The following TANC1 variants were observed in gnomAD, a reference collection of about 807,000 sequenced individuals.
The protein encoded by TANC1 is protein TANC1.
A neutral mutation model predicts 149.7 loss-of-function variants in TANC1; 77 were observed. The observed-to-expected ratio is 0.51, with a 90% CI of 0.43 to 0.62. The LOEUF is 0.62. Among genes scored for constraint, TANC1 ranks in the 20% least tolerant of loss-of-function variants. TANC1 has a pLI of 0.00. For missense variants in TANC1, 1,985 were observed against 2,321.8 expected (o/e 0.85, Z 2.98); for synonymous variants, 854 against 925.0 (o/e 0.92, Z 1.39).
At position 159,089,877 on chromosome 2, in the gene TANC1, C is replaced by G. The variant is rs957472665; in HGVS notation, c.62-7760C>G. 3.3e-5 allele frequency among the ~76,000 whole-genome samples: 5 copies of G among 152,354 alleles called. 1 individual carries two copies. The South Asian group carries it at 8.3e-4, about 25-fold the overall frequency. On this transcript the variant is annotated intron_variant, in intron 3 of 26. Coordinates refer to ENST00000263635, the MANE Select transcript of TANC1 (RefSeq NM_033394.3). ...AGCTTGCCTCCGAGCAGTGCCTACACACATGTCACTTCGAGCACATGCTTT... is the reference window on the plus strand; with the variant it reads ...AGCTTGCCTCCGAGCAGTGCCTACAGACATGTCACTTCGAGCACATGCTTT...
At chr2:159,184,405 C>T (rs1356572863) in intron 14 of TANC1, among the ~76,000 whole-genome samples, 1 of 152,120 alleles carries the variant, frequency 6.6e-6, no homozygotes, top group Non-Finnish European at 1.5e-5. Flanking sequence ...AGGTGGGATG[C>T]CCTGTGCTCA....
chr2:159,054,005 T>C (rs1335922108), intron 2 of TANC1, among the ~76,000 whole-genome samples: 1 of 152,228 alleles, frequency 6.6e-6, no homozygotes, highest in East Asian at 1.9e-4. Context: ...TCAGGATAGA[T>C]TTGCAGCATG....
chr2:159,220,770 C>T (rs7589564), intron 22 of TANC1, among the ~76,000 whole-genome samples: 15,946 of 151,990 alleles, frequency 0.1, 1,064 homozygotes, highest in East Asian at 0.25. Context: ...TTTAGAGACA[C>T]GGTTTTTCAC....
At chr2:159,116,114 G>T (rs751016095) in intron 4 of TANC1, among the ~76,000 whole-genome samples, 29 of 152,108 alleles carry the variant, frequency 1.9e-4, no homozygotes, top group Admixed American at 6.5e-4. Flanking sequence ...TGAAGGTCAA[G>T]TATGATAAGG....
chr2:158,992,365 A>AG (rs2035717887), intron 1 of TANC1, among the ~76,000 whole-genome samples: 1 of 87,008 alleles, frequency 1.1e-5, no homozygotes. Flanking sequence ...ACCCTGTCTC[A>AG]AAAAAAAAAA....
chr2:159,127,844 C>T (rs1469366348), intron 4 of TANC1, among the ~76,000 whole-genome samples: 1 of 152,182 alleles, frequency 6.6e-6, no homozygotes, highest in African/African-American at 2.4e-5. Context: ...ACATTTTGCA[C>T]ATGTATCCTG....
chr2:159,041,020 C>T (rs1445023308), intron 2 of TANC1, among the ~76,000 whole-genome samples: 2 of 152,212 alleles, frequency 1.3e-5, no homozygotes, highest in Non-Finnish European at 2.9e-5. Flanking sequence ...AGTCAGGTCC[C>T]TCAGCTGCAG....
At position 159,180,816 on chromosome 2, in the gene TANC1, T is replaced by C. The variant is rs58507185; in HGVS notation, c.2510+1653T>C. On this transcript the variant is annotated intron_variant, in intron 14 of 26. Transcript: ENST00000263635. The stretch of plus-strand genomic sequence containing the variant: ...AAAGTACTGTGGCAGACACCAATTG[T>C]TGGGACAAGGACCCTGCTCTCAGGG... Among the ~76,000 whole-genome samples the C allele has an allele frequency of 8.7e-3, 1,318 of 152,296 alleles. 18 individuals are homozygous for C. Among genetic ancestry groups the C allele is most frequent in the African/African-American group, 0.03 (1,229 of 41,554 alleles).
At chr2:159,203,657 C>T (rs1221765031) in intron 19 of TANC1, among the ~76,000 whole-genome samples, 2 of 152,162 alleles carry the variant, frequency 1.3e-5, no homozygotes, top group East Asian at 3.9e-4. Context: ...CATCTGCCTC[C>T]CCACACTCAG....
intron 2 of TANC1, among the ~76,000 whole-genome samples, chr2:159,007,231 C>T (rs778963521): frequency 6.7e-6 from 1 of 150,332 alleles, no homozygotes; most frequent in African/African-American, 2.4e-5. Context: ...ACCGCAACCA[C>T]CGCCTCCCTG....
chr2:159,138,923 A>C (rs535370162), intron 5 of TANC1, among the ~76,000 whole-genome samples: 54 of 152,242 alleles, frequency 3.5e-4, no homozygotes, highest in Non-Finnish European at 6.0e-4. Context: ...TTTGGATTTT[A>C]AATCAAAGGA....
At chr2:159,151,783 T>G (rs946552508) in intron 7 of TANC1, among the ~76,000 whole-genome samples, 2 of 152,232 alleles carry the variant, frequency 1.3e-5, no homozygotes, top group African/African-American at 4.8e-5. Context: ...GCCATAATTT[T>G]CAATTGAATC....
intron 2 of TANC1, among the ~76,000 whole-genome samples, chr2:159,047,789 A>G (rs983071994): frequency 6.6e-6 from 1 of 152,212 alleles, no homozygotes; most frequent in African/African-American, 2.4e-5. Context: ...TCTGAAGGGC[A>G]TGCATCCTCA....
chr2:159,054,887 G>GC (rs2041733251), intron 2 of TANC1, among the ~76,000 whole-genome samples: 1 of 152,124 alleles, frequency 6.6e-6, no homozygotes, highest in African/African-American at 2.4e-5. Context: ...AAATTATAAT[G>GC]CCTACAGGTG....
intron 4 of TANC1, 106 bp downstream of exon 4, chr2:159,097,940 T>C: frequency 2.0e-6 from 2 of 995,606 alleles, no homozygotes; most frequent in Admixed American, 4.4e-5. Context: ...TGTTTTTTCT[T>C]TGTCGCAGTA....
At chr2:159,100,877 T>A (rs7569648) in intron 4 of TANC1, among the ~76,000 whole-genome samples, 44,560 of 150,238 alleles carry the variant, frequency 0.3, 6,729 homozygotes, top group South Asian at 0.41. Flanking sequence ...TTTAATAATT[T>A]AAAAAAAAAA....
chr2:159,108,312 C>T (rs1440684372), intron 4 of TANC1, among the ~76,000 whole-genome samples: 1 of 152,186 alleles, frequency 6.6e-6, no homozygotes, highest in Non-Finnish European at 1.5e-5. Context: ...TCCTGTCTCT[C>T]TCCCATTTTC....
intron 1 of TANC1, among the ~76,000 whole-genome samples, chr2:158,982,411 C>G (rs1246485742): frequency 6.6e-6 from 1 of 152,194 alleles, no homozygotes; most frequent in Admixed American, 6.6e-5. Context: ...GTGTTTGGCT[C>G]TGGCAATTTA....
intron 3 of TANC1, among the ~76,000 whole-genome samples, chr2:159,067,941 C>T (rs759273273): frequency 3.3e-5 from 5 of 152,192 alleles, no homozygotes; most frequent in Non-Finnish European, 7.3e-5. Flanking sequence ...GGGTTTATTT[C>T]TCCCTTTGGT....
Sources: gnomAD v4.1 joint callset for allele counts (sites outside exome capture counted in the v4.1 genomes callset) on GRCh38, gnomAD v4.1.1 for gene constraint, MANE v1.5 for transcripts, NCBI Gene and HGNC (gene_info 2026-07-23, HGNC 2026-07-21) for gene names.